Variants in GLG1 observed in about 807,000 individuals in gnomAD.
GLG1 encodes golgi glycoprotein 1.
Under a neutral mutation model 160.5 loss-of-function variants are expected in GLG1, and 38 were observed. That is an observed-to-expected ratio of 0.24 (90% CI 0.18 to 0.31). The LOEUF (loss-of-function observed/expected upper bound fraction) is 0.31, where lower values mean the gene tolerates loss of function less well. GLG1 is among the 10% of genes least tolerant of loss of function. The probability of loss-of-function intolerance (pLI) is 1.00; values close to 1 mark genes in which losing one functional copy is unlikely to be tolerated. For synonymous variants in GLG1, 644 were observed against 543.4 expected (o/e 1.19, Z -2.57); for missense variants, 1,373 against 1,505.2 (o/e 0.91, Z 1.45).
intron 2 of GLG1, among the ~76,000 whole-genome samples, chr16:74,517,948 C>T (rs1219210252): frequency 6.6e-6 from 1 of 152,132 alleles, no homozygotes; most frequent in Non-Finnish European, 1.5e-5. Context: ...CTCCCATTCA[C>T]AATTGCTTCA....
chr16:74,549,454 C>A (rs1214935811), intron 1 of GLG1, among the ~76,000 whole-genome samples: 1 of 152,128 alleles, frequency 6.6e-6, no homozygotes, highest in Non-Finnish European at 1.5e-5. Context: ...GCCCGGCTAA[C>A]TTCTTGTATT....
intron 6 of GLG1, 50 bp from the exon 7 acceptor site, chr16:74,493,190 T>A: frequency 7.8e-7 from 1 of 1,289,612 alleles, no homozygotes; most frequent in Non-Finnish European, 1.1e-6. Context: ...GTAACTTTAC[T>A]GTTGACGTGT....
At chr16:74,460,519 A>T (rs1209497638) in intron 22 of GLG1, among the ~76,000 whole-genome samples, 1 of 152,204 alleles carries the variant, frequency 6.6e-6, no homozygotes, top group Non-Finnish European at 1.5e-5. Context: ...ACACCGCAGG[A>T]TCTGTGCCCC....
Position 74,452,459 on chromosome 16 carries a change from A to C in GLG1, c.*708T>G. 3 of 1,090,906 alleles carry C rather than the reference A, an allele frequency of 2.8e-6. No homozygotes were observed. The highest frequency in any genetic ancestry group is 3.4e-6 in the Non-Finnish European group (3 of 891,066). 67.6% of individuals were successfully genotyped at this position (1,090,906 alleles called of 1,614,324 possible). On this transcript the variant is annotated 3_prime_UTR_variant, in exon 26 of 26. Coordinates refer to ENST00000422840, the MANE Select transcript of GLG1 (RefSeq NM_001145667.2). ...TCTAGGAAGGCTCATGCTTTGCTTC[A>C]ATGAAGCGAGGAGACCACAGAAATA...
chr16:74,463,377 G>A lies in GLG1; in HGVS notation c.2770C>T (p.Arg924Cys). Residue 924 changes from arginine to cysteine, a missense_variant, in exon 20 of 26, where the codon CGC (arginine) becomes TGC (cysteine). Around this residue, in one of 4 missense-constraint regions of GLG1, gnomAD observed 491 missense variants for 632.1 expected, o/e 0.78. Transcript: ENST00000422840. ...TTACCTGTGTTCTGGGTGATCTGGC[G>A]CTTGGTTATCATCTGTTTGCATTTG... ...DPKCKQMITK[R>C]QITQNTDYRL... 2 of 1,613,998 alleles carry A rather than the reference G, an allele frequency of 1.2e-6. No homozygotes were observed. The highest frequency in any genetic ancestry group is 1.3e-5 in the African/African-American group (1 of 75,036).
At chr16:74,458,709 A>ACC (rs1315860957) in intron 23 of GLG1, among the ~76,000 whole-genome samples, 5 of 152,228 alleles carry the variant, frequency 3.3e-5, no homozygotes, top group Non-Finnish European at 7.3e-5. Flanking sequence ...CCAATTAGAT[A>ACC]AAGGCACATT....
intron 2 of GLG1, among the ~76,000 whole-genome samples, chr16:74,526,412 G>A (rs958582138): frequency 6.9e-6 from 1 of 145,910 alleles, no homozygotes; most frequent in Non-Finnish European, 1.5e-5. Flanking sequence ...ACCTGTAGAT[G>A]AATCTTTGAG....
At chr16:74,548,729 C>T (rs1489162800) in intron 1 of GLG1, among the ~76,000 whole-genome samples, 77 of 152,130 alleles carry the variant, frequency 5.1e-4, no homozygotes, top group Middle Eastern at 6.8e-3. Flanking sequence ...GGTACAGTAG[C>T]TCAGGCCTGT....
At chr16:74,459,941 T>A in intron 22 of GLG1, 152 bp from the exon 23 acceptor site, 1 of 490,750 alleles carries the variant, frequency 2.0e-6, no homozygotes, top group African/African-American at 2.0e-5. Flanking sequence ...CTGCAACCTC[T>A]GCCTCCTAGG....
chr16:74,599,888 G>A (rs1011212026), intron 1 of GLG1, among the ~76,000 whole-genome samples: 1 of 147,066 alleles, frequency 6.8e-6, no homozygotes. Context: ...AAAAAAATTA[G>A]CCAGGCATGG....
intron 12 of GLG1, 32 bp downstream of exon 12, chr16:74,477,364 T>C (rs750245337): frequency 6.5e-6 from 10 of 1,540,524 alleles, no homozygotes; most frequent in African/African-American, 5.4e-5. Flanking sequence ...ATCATCATTA[T>C]TGTAAGACAA....
intron 1 of GLG1, among the ~76,000 whole-genome samples, chr16:74,542,426 C>T (rs1206552488): frequency 1.3e-5 from 2 of 151,790 alleles, no homozygotes; most frequent in South Asian, 2.1e-4. Context: ...CCAGCACTTT[C>T]GGAGGCTGAG....
At chr16:74,606,346 T>C (rs534451058) in intron 1 of GLG1, among the ~76,000 whole-genome samples, 1 of 152,278 alleles carries the variant, frequency 6.6e-6, no homozygotes, top group South Asian at 2.1e-4. Flanking sequence ...GGAGACACTC[T>C]GCATAGAGCA....
At chr16:74,493,931 A>C (rs1484477492) in intron 6 of GLG1, among the ~76,000 whole-genome samples, 4 of 152,056 alleles carry the variant, frequency 2.6e-5, no homozygotes, top group Non-Finnish European at 5.9e-5. Flanking sequence ...TTTATATAAA[A>C]CCACAGTGAG....
In GLG1 at chr16:74,482,228, G is replaced by A. The variant is rs780590492; in HGVS notation, c.1673+795C>T. ...GCTGGCCTTAAACTCCTGGCCTCAA[G>A]CTATCCCCCTGCCTAGGCCTCCCAA... On this transcript the variant is annotated intron_variant, in intron 10 of 25. Transcript: ENST00000422840. 2.1e-4 allele frequency among the ~76,000 whole-genome samples: 32 copies of A among 152,082 alleles called. 1 individual carries two copies. The highest frequency in any genetic ancestry group is 4.1e-4 in the Non-Finnish European group (28 of 68,012).
rs372420402 is a variant in GLG1 at position 74,452,091 on chromosome 16, C to G, written c.*1076G>C. 1.2e-6 allele frequency: 2 copies of G among 1,614,128 alleles called. No homozygotes were observed. Among genetic ancestry groups the G allele is most frequent in the South Asian group, 2.2e-5 (2 of 91,086 alleles). On this transcript the variant is annotated 3_prime_UTR_variant, in exon 26 of 26. Transcript: ENST00000422840. ...CTGCCTGTCACATCCTGAGACCACA[C>G]TAAACCTTTATAAGCCATTGTCTCT...
chr16:74,607,026 G>C lies in GLG1; in HGVS notation c.69C>G (p.Phe23Leu), dbSNP rs1379166917. ...CGGGGAGTTTCTCGGCCCCGGCCGCGAATAGCAGCAGCAGATGCAGCGCCG... is the reference window on the plus strand; with the variant it reads ...CGGGGAGTTTCTCGGCCCCGGCCGCCAATAGCAGCAGCAGATGCAGCGCCG... ...LSAALHLLLLFAAGAEKLPGQ... is the reference protein window; with the variant it reads ...LSAALHLLLLLAAGAEKLPGQ... Residue 23 changes from phenylalanine (F) to leucine (L), a missense_variant, in exon 1 of 26, where the codon TTC (phenylalanine) becomes TTG (leucine). Phe to Leu is a conservative substitution (Grantham distance 22). Around this residue, in one of 4 missense-constraint regions of GLG1, gnomAD observed 322 missense variants for 254.6 expected, o/e 1.26. Transcript: ENST00000422840. The C allele has an allele frequency of 6.3e-7, 1 of 1,598,160 alleles. No individual in the cohort carries two copies. The highest frequency in any genetic ancestry group is 8.5e-7 in the Non-Finnish European group (1 of 1,175,108).
At chr16:74,595,628 T>C (rs1397912761) in intron 1 of GLG1, among the ~76,000 whole-genome samples, 1 of 152,258 alleles carries the variant, frequency 6.6e-6, no homozygotes, top group Non-Finnish European at 1.5e-5. Flanking sequence ...TCTTCTCTTA[T>C]GACACTTATT....
Position 74,508,924 on chromosome 16 carries a change from A to C in GLG1, c.473T>G (p.Leu158Trp). Residue 158 changes from leucine to tryptophan, a missense_variant and splice_region_variant, in exon 3 of 26, where the codon TTG (leucine) becomes TGG (tryptophan). This residue lies in a region of GLG1 where 322 missense variants were observed against 254.6 expected (regional missense o/e 1.26). Transcript: ENST00000422840. ...ENEISSDCNH[L>W]LWNYKLNLTT... ...TAGGTTCAGCTTATAATTCCACAAC[A>C]ACTAGATAGGAGAGGAAAAAAAAAA... is the stretch of plus-strand genomic sequence containing the variant. 7.7e-7 allele frequency: 1 copy of C among 1,300,444 alleles called. No homozygotes were observed. Among genetic ancestry groups the C allele is most frequent in the Non-Finnish European group, 1.1e-6 (1 of 897,502 alleles). 80.6% of individuals were successfully genotyped at this position (1,300,444 alleles called of 1,614,324 possible).
Sources: gnomAD v4.1 joint callset for allele counts (sites outside exome capture counted in the v4.1 genomes callset) on GRCh38, gnomAD v4.1.1 for gene constraint, gnomAD v4.1.1 regional missense constraint, MANE v1.5 for transcripts, NCBI Gene and HGNC (gene_info 2026-07-23, HGNC 2026-07-21) for gene names.